The following NAA30 variants were observed in gnomAD, a reference collection of about 807,000 sequenced individuals.
NAA30 encodes the protein N-alpha-acetyltransferase 30, NatC catalytic subunit.
NAA30 carries 5 observed loss-of-function variants against 31.4 expected under a neutral mutation model. The observed-to-expected ratio is 0.16, with a 90% confidence interval of 0.08 to 0.33. The LOEUF (loss-of-function observed/expected upper bound fraction) is 0.33. NAA30 is among the 10% of genes least tolerant of loss of function. NAA30 has a pLI of 1.00. For synonymous variants in NAA30, 222 were observed against 207.1 expected (o/e 1.07, Z -0.62); for missense variants, 428 against 490.8 (o/e 0.87, Z 1.21).
rs953775521 is a variant in NAA30, at chr14:57,411,328, G to A, written c.*1812G>A. ...GTACTCAGCCTTTCAATATGTTTTT[G>A]GTCAAACTTCATTTAGGCACTAGCA... On this transcript the variant is annotated 3_prime_UTR_variant, in exon 5 of 5. Transcript: ENST00000556492. 1.3e-5 allele frequency: 2 copies of A among 151,822 alleles called. No homozygotes were observed. Among genetic ancestry groups the A allele is most frequent in the Non-Finnish European group, 2.9e-5 (2 of 67,872 alleles). 9.4% of individuals were successfully genotyped at this position (151,822 alleles called of 1,614,324 possible).
chr14:57,407,306 A>G (rs1245670241), intron 4 of NAA30, among the ~76,000 whole-genome samples: 1 of 152,000 alleles, frequency 6.6e-6, no homozygotes, highest in Non-Finnish European at 1.5e-5. Context: ...CTGAACTGTT[A>G]ATTACTTCAT....
chr14:57,407,224 C>A (rs559172264), intron 4 of NAA30, among the ~76,000 whole-genome samples: 1 of 152,024 alleles, frequency 6.6e-6, no homozygotes, highest in Non-Finnish European at 1.5e-5. Context: ...GAGAAATTGA[C>A]GTTTACTTAA....
chr14:57,407,129 G>A (rs570217244), intron 4 of NAA30, among the ~76,000 whole-genome samples: 31 of 152,226 alleles, frequency 2.0e-4, no homozygotes, highest in South Asian at 1.2e-3. Flanking sequence ...CTGGGCTCAA[G>A]TGATCTGCCT....
Position 57,391,560 on chromosome 14 carries a change from G to T in NAA30, c.603G>T (p.Ser201=), listed in dbSNP as rs1027810184. ...LTADCSLRSP[S]GREVEPGEDR... ...CCGACTGCAGCTTAAGAAGCCCTTC[G>T]GGCAGGGAGGTTGAGCCTGGGGAGG... is the stretch of plus-strand genomic sequence containing the variant. Residue 201 remains serine, a synonymous_variant, in exon 2 of 5, where the codon TCG becomes TCT. Coordinates refer to ENST00000556492, the MANE Select transcript of NAA30 (RefSeq NM_001011713.3). This position sits in a 1 kb window ranked among gnomAD's most constrained non-coding sequence, Gnocchi z 4.1. The T allele has an allele frequency of 3.1e-6, 5 of 1,614,176 alleles. No individual in the cohort carries two copies. The highest frequency in any genetic ancestry group is 4.2e-6 in the Non-Finnish European group (5 of 1,180,044).
chr14:57,408,055 TTA>T (rs1178117457), intron 4 of NAA30, among the ~76,000 whole-genome samples: 6 of 152,132 alleles, frequency 3.9e-5, no homozygotes, highest in Non-Finnish European at 8.8e-5. Context: ...GAAGAGCAGA[TTA>T]TGAGTTCAAT....
intron 2 of NAA30, among the ~76,000 whole-genome samples, chr14:57,394,043 CA>C (rs1309117558): frequency 1.4e-5 from 2 of 142,972 alleles, no homozygotes; most frequent in Non-Finnish European, 3.0e-5. Context: ...TTGAACCTTA[CA>C]AAATTGCCAA....
chr14:57,396,534 T>A (rs1338445488), intron 2 of NAA30, among the ~76,000 whole-genome samples: 2 of 152,184 alleles, frequency 1.3e-5, no homozygotes, highest in East Asian at 3.8e-4. Context: ...GCATAAAAAA[T>A]TCATGTTCTA....
intron 4 of NAA30, among the ~76,000 whole-genome samples, chr14:57,400,454 T>C (rs183353753): frequency 1.3e-5 from 2 of 152,288 alleles, no homozygotes; most frequent in African/African-American, 4.8e-5. Flanking sequence ...ATGATAAATA[T>C]TGGTGATGAT....
rs779752978 is a variant in NAA30 at position 57,391,480 on chromosome 14, C to G, written c.523C>G (p.Gln175Glu). The change falls in exon 2 of 5, where the codon CAG becomes GAG. Residue 175 changes from glutamine to glutamate, a missense_variant. By Grantham distance (29) the Gln-to-Glu change is conservative. Transcript: ENST00000556492. The surrounding 1 kb of genome is among the most constrained non-coding windows in gnomAD (Gnocchi z 4.1). ...CAATGGACTGGCCGAGGGCACCGAG[C>G]AGGAGGAGGAGGAGGAAGACGAGCA... is the stretch of plus-strand genomic sequence containing the variant. ...ARNGLAEGTE[Q>E]EEEEEDEQVR... is the part of the protein sequence containing the mutation. 2 of 1,609,120 alleles carry G rather than the reference C, an allele frequency of 1.2e-6. No homozygotes were observed. Among genetic ancestry groups the G allele is most frequent in the African/African-American group, 2.7e-5 (2 of 74,886 alleles).
chr14:57,393,033 G>T (rs1338058122), intron 2 of NAA30, among the ~76,000 whole-genome samples: 1 of 152,150 alleles, frequency 6.6e-6, no homozygotes, highest in East Asian at 1.9e-4. Context: ...ATGAGAAAAT[G>T]ATTTATAGCA....
At chr14:57,406,951 G>A (rs565155892) in intron 4 of NAA30, among the ~76,000 whole-genome samples, 43 of 152,244 alleles carry the variant, frequency 2.8e-4, no homozygotes, top group African/African-American at 1.0e-3. Flanking sequence ...AGAGTGCAGT[G>A]GTGCACTCAC....
chr14:57,392,406 CTG>C (rs1416226104), intron 2 of NAA30, among the ~76,000 whole-genome samples: 1 of 150,630 alleles, frequency 6.6e-6, no homozygotes. Context: ...TGTTACCGAT[CTG>C]ATTTTTTTTT....
intron 3 of NAA30, among the ~76,000 whole-genome samples, chr14:57,399,343 T>A (rs2066464020): frequency 6.6e-6 from 1 of 152,192 alleles, no homozygotes; most frequent in Non-Finnish European, 1.5e-5. Context: ...GTGCTCACTG[T>A]AAAGTTTATA....
At position 57,413,998 on chromosome 14, in the gene NAA30, T is replaced by C. The variant is rs1273749261; in HGVS notation, c.*4482T>C. The C allele has an allele frequency of 1.3e-5, 2 of 152,216 alleles. No homozygotes were observed. The highest frequency in any genetic ancestry group is 2.9e-5 in the Non-Finnish European group (2 of 68,054). The allele number at this position is 152,216 out of a possible 1,614,324, so 9.4% of individuals were successfully genotyped here. ...GTGTGGGTGGGATGATTGAGCTGAA[T>C]TTGTAATTTTAATCAAAGTTAGCCA... On this transcript the variant is annotated 3_prime_UTR_variant, in exon 5 of 5. Coordinates refer to ENST00000556492, the MANE Select transcript of NAA30 (RefSeq NM_001011713.3).
chr14:57,409,675 G>C lies in NAA30; in HGVS notation c.*159G>C. 5.0e-6 allele frequency: 3 copies of C among 599,572 alleles called. No homozygotes were observed. The highest frequency in any genetic ancestry group is 6.5e-5 in the East Asian group (2 of 30,786). 37.1% of individuals were successfully genotyped at this position (599,572 alleles called of 1,614,324 possible). ...GTCGCACAATATTTGTTGCACTTTG[G>C]CATGGCACATTTGTTCTGAATTAAA... On this transcript the variant is annotated 3_prime_UTR_variant, in exon 5 of 5. Transcript: ENST00000556492.
chr14:57,406,545 A>G (rs1256024145), intron 4 of NAA30, among the ~76,000 whole-genome samples: 2 of 152,206 alleles, frequency 1.3e-5, no homozygotes, highest in African/African-American at 4.8e-5. Flanking sequence ...CATCAATTTC[A>G]TAGGGTTATT....
chr14:57,402,802 AT>A (rs1286746864), intron 4 of NAA30, among the ~76,000 whole-genome samples: 2 of 152,246 alleles, frequency 1.3e-5, no homozygotes, highest in East Asian at 3.8e-4. Flanking sequence ...AGGGTTTTAA[AT>A]TAGATTTTCT....
chr14:57,398,982 C>T (rs2066462562), intron 3 of NAA30, among the ~76,000 whole-genome samples: 1 of 151,832 alleles, frequency 6.6e-6, no homozygotes, highest in Admixed American at 6.6e-5. Context: ...ATGACCTCAG[C>T]CTCCAAAATG....
At chr14:57,405,152 A>G (rs1318897216) in intron 4 of NAA30, among the ~76,000 whole-genome samples, 1 of 152,174 alleles carries the variant, frequency 6.6e-6, no homozygotes, top group Non-Finnish European at 1.5e-5. Flanking sequence ...ACATTTTGGT[A>G]AATTTTAGAT....
Sources: allele counts gnomAD v4.1 joint callset (sites outside exome capture counted in the v4.1 genomes callset), GRCh38; gene constraint gnomAD v4.1.1; non-coding constraint Gnocchi (gnomAD v3.1); transcripts MANE v1.5; gene names NCBI Gene and HGNC (gene_info 2026-07-23, HGNC 2026-07-21).